TSPAN13: variants seen among roughly 807,000 people sequenced by gnomAD.
The protein encoded by TSPAN13 is tetraspanin 13, also known as tetraspanin-13.
In TSPAN13, 18 loss-of-function variants were observed where a neutral mutation model predicts 26.9. That is an observed-to-expected ratio of 0.67 (90% CI 0.46 to 0.99). The LOEUF is 0.99. TSPAN13 is among the 50% of genes least tolerant of loss of function. The pLI is 0.00. For synonymous variants in TSPAN13, 116 were observed against 98.4 expected, an observed-to-expected ratio of 1.18 and a Z score of -1.06; for missense variants, 201 against 249.6, an observed-to-expected ratio of 0.81 and a Z score of 1.31.
intron 1 of TSPAN13, among the ~76,000 whole-genome samples, chr7:16,755,160 C>G: frequency 6.6e-6 from 1 of 152,160 alleles, no homozygotes; most frequent in East Asian, 1.9e-4. Context: ...AAAACAAACC[C>G]AGCACCCCTG....
intron 1 of TSPAN13, among the ~76,000 whole-genome samples, chr7:16,759,582 A>G (rs2115321543): frequency 6.6e-6 from 1 of 152,364 alleles, no homozygotes; most frequent in East Asian, 1.9e-4. Flanking sequence ...AACTGTATCA[A>G]AAGGCCTAAA....
In TSPAN13 at chr7:16,769,045, C is replaced by T. The variant is rs952231063; in HGVS notation, c.64-7166C>T. ...TTCACTATGTTGGCCAGGCTGGTCT[C>T]GAACTCCTGACCTCAAGTGATCATC... On this transcript the variant is annotated intron_variant, in intron 1 of 5. Transcript: ENST00000262067. Among the ~76,000 whole-genome samples, 6 of 151,964 alleles carry T rather than the reference C, an allele frequency of 3.9e-5. No individual in the cohort carries two copies. In the South Asian group the frequency reaches 8.3e-4, roughly 21 times the overall value.
At position 16,779,098 on chromosome 7, in the gene TSPAN13, G is replaced by A. The variant is rs938122907; in HGVS notation, c.522G>A (p.Leu174=). ...EVLRFVGGIG[L]FFSFTEILGV... is the part of the protein sequence containing the mutation. ...TGAGATTTGTTGGTGGCATTGGCCT[G>A]TTCTTCAGTTTTACAGAGGTATGTG... The change falls in exon 5 of 6, where the codon CTG becomes CTA. Residue 174 remains leucine, a synonymous_variant. Transcript: ENST00000262067. 1 of 1,613,250 alleles carries A rather than the reference G, an allele frequency of 6.2e-7. No homozygotes were observed. Among genetic ancestry groups the A allele is most frequent in the Non-Finnish European group, 8.5e-7 (1 of 1,179,566 alleles).
At chr7:16,760,481 G>A (rs1784531240) in intron 1 of TSPAN13, among the ~76,000 whole-genome samples, 1 of 152,162 alleles carries the variant, frequency 6.6e-6, no homozygotes, top group South Asian at 2.1e-4. Flanking sequence ...GATGGCAGGT[G>A]GAGCAGACTT....
chr7:16,776,998 C>T, intron 2 of TSPAN13, 44 bp from the exon 3 acceptor site: 1 of 1,382,150 alleles, frequency 7.2e-7, no homozygotes, highest in Non-Finnish European at 1.0e-6. Flanking sequence ...TGTTTTATGC[C>T]ATTCTAAGAA....
At chr7:16,759,630 G>T (rs1423735176) in intron 1 of TSPAN13, among the ~76,000 whole-genome samples, 1 of 151,990 alleles carries the variant, frequency 6.6e-6, no homozygotes, top group Non-Finnish European at 1.5e-5. Flanking sequence ...AGTGTTTCAG[G>T]TAGAGGGAAT....
At chr7:16,774,912 T>C (rs1784724037) in intron 1 of TSPAN13, among the ~76,000 whole-genome samples, 1 of 152,226 alleles carries the variant, frequency 6.6e-6, no homozygotes, top group South Asian at 2.1e-4. Flanking sequence ...TTTGCTTGTA[T>C]CTCTACATAT....
intron 3 of TSPAN13, 84 bp from the exon 4 acceptor site, chr7:16,777,714 C>A: frequency 1.1e-6 from 1 of 874,252 alleles, no homozygotes; most frequent in Non-Finnish European, 1.7e-6. Context: ...ATTTTAGGTA[C>A]ACTTAGTACT....
chr7:16,767,591 G>A (rs565856679), intron 1 of TSPAN13, among the ~76,000 whole-genome samples: 79 of 152,214 alleles, frequency 5.2e-4, no homozygotes, highest in African/African-American at 1.8e-3. Context: ...GGGGTAGTAA[G>A]GGATACATAT....
At chr7:16,779,868 T>C (rs1267798226) in intron 5 of TSPAN13, among the ~76,000 whole-genome samples, 3 of 150,736 alleles carry the variant, frequency 2.0e-5, no homozygotes, top group Non-Finnish European at 4.4e-5. Flanking sequence ...GCCTCCCGGG[T>C]TCACGCTATT....
At chr7:16,766,885 C>A (rs1413343453) in intron 1 of TSPAN13, among the ~76,000 whole-genome samples, 2 of 152,194 alleles carry the variant, frequency 1.3e-5, no homozygotes, top group East Asian at 1.9e-4. Flanking sequence ...ATATGGTAGA[C>A]CCCTGTGAAC....
chr7:16,776,136 T>A, intron 1 of TSPAN13, 75 bp from the exon 2 acceptor site: 1 of 1,468,812 alleles, frequency 6.8e-7, no homozygotes, highest in Non-Finnish European at 9.3e-7. Flanking sequence ...TTGTTGATAT[T>A]TAATTAACTG....
intron 1 of TSPAN13, among the ~76,000 whole-genome samples, chr7:16,772,856 C>T (rs1020825288): frequency 3.9e-5 from 6 of 151,920 alleles, no homozygotes; most frequent in Admixed American, 6.6e-5. Flanking sequence ...ATTAGCTGGA[C>T]GTGGTGGCAT....
At chr7:16,781,228 C>T (rs1350853070) in intron 5 of TSPAN13, among the ~76,000 whole-genome samples, 2 of 152,088 alleles carry the variant, frequency 1.3e-5, no homozygotes, top group Non-Finnish European at 2.9e-5. Flanking sequence ...CTAAAATTAC[C>T]TACTCAGAAA....
At chr7:16,772,017 G>A (rs867886290) in intron 1 of TSPAN13, among the ~76,000 whole-genome samples, 6 of 152,162 alleles carry the variant, frequency 3.9e-5, no homozygotes, top group Admixed American at 2.0e-4. Flanking sequence ...CCTAATCTGA[G>A]AACTAAATAG....
intron 1 of TSPAN13, among the ~76,000 whole-genome samples, chr7:16,771,660 AT>A (rs1489848877): frequency 6.6e-6 from 1 of 152,238 alleles, no homozygotes; most frequent in Non-Finnish European, 1.5e-5. Context: ...AAGGAAACAG[AT>A]TCTCCCTCTG....
At position 16,777,824 on chromosome 7, in the gene TSPAN13, C is replaced by T. The variant is rs749849398; in HGVS notation, c.339C>T (p.Asn113=). The T allele has an allele frequency of 6.2e-7, 1 of 1,613,766 alleles. No homozygotes were observed. Among genetic ancestry groups the T allele is most frequent in the Admixed American group, 1.7e-5 (1 of 60,004 alleles). The change falls in exon 4 of 6, where the codon AAC becomes AAT. Residue 113 remains asparagine (N), a synonymous_variant. Coordinates refer to ENST00000262067, the MANE Select transcript of TSPAN13 (RefSeq NM_014399.4). ...GTCAGCTTCTGGAGGTTGGTTGGAACAATACGGCAAGTGCTCGAAATGACA... is the reference window on the plus strand; with the variant it reads ...GTCAGCTTCTGGAGGTTGGTTGGAATAATACGGCAAGTGCTCGAAATGACA... The part of the protein sequence containing the change: ...QQGQLLEVGW[N]NTASARNDIQ...
intron 1 of TSPAN13, among the ~76,000 whole-genome samples, chr7:16,756,370 A>T (rs1014125020): frequency 5.9e-5 from 9 of 152,220 alleles, no homozygotes; most frequent in African/African-American, 2.2e-4. Flanking sequence ...ATTTGAGGTC[A>T]TTTCTAAAAG....
intron 4 of TSPAN13, 72 bp from the exon 5 acceptor site, chr7:16,778,931 G>A (rs1157681091): frequency 5.5e-6 from 6 of 1,099,956 alleles, no homozygotes; most frequent in Non-Finnish European, 6.6e-6. Context: ...CTAATTTTGT[G>A]TGTATGCAGT....
Sources: allele counts gnomAD v4.1 joint callset (sites outside exome capture counted in the v4.1 genomes callset), GRCh38; gene constraint gnomAD v4.1.1; transcripts MANE v1.5; gene names NCBI Gene and HGNC (gene_info 2026-07-23, HGNC 2026-07-21).